Variants in OGFR observed in about 807,000 individuals in gnomAD.
OGFR encodes protein 7-60.
In OGFR, 18 loss-of-function variants were observed where a neutral mutation model predicts 33.6. The ratio of observed to expected loss-of-function variants is 0.54; its 90% confidence interval spans 0.37 to 0.80. OGFR has a LOEUF of 0.80. Ranked by LOEUF, OGFR falls within the 30% of genes least tolerant of loss-of-function variation. The probability of loss-of-function intolerance (pLI) is 0.00; values close to 1 mark genes in which losing one functional copy is unlikely to be tolerated. For synonymous variants in OGFR, 370 were observed against 400.7 expected, an observed-to-expected ratio of 0.92 and a Z score of 0.91; for missense variants, 877 against 955.8, an observed-to-expected ratio of 0.92 and a Z score of 1.09.
In OGFR at chr20:62,812,847, C is replaced by G; in HGVS notation, c.1232C>G (p.Ala411Gly). 6.2e-7 allele frequency: 1 copy of G among 1,612,766 alleles called. No individual in the cohort carries two copies. The highest frequency in any genetic ancestry group is 1.1e-5 in the South Asian group (1 of 91,086). The change falls in exon 7 of 7, where the codon GCT becomes GGT. Residue 411 changes from alanine to glycine, a missense_variant. Ala to Gly is a moderately conservative substitution (Grantham distance 60, BLOSUM62 0). Transcript: ENST00000290291. ...PQSASEVEKI[A>G]LNLEGCALSQ... ...AGTGCCTCAGAGGTGGAGAAGATCGCTCTGAATTTGGAGGGGTGTGCCCTC... is the reference window on the plus strand; with the variant it reads ...AGTGCCTCAGAGGTGGAGAAGATCGGTCTGAATTTGGAGGGGTGTGCCCTC...
chr20:62,812,395 C>A lies in OGFR; in HGVS notation c.780C>A (p.Ala260=). The change falls in exon 7 of 7, where the codon GCC becomes GCA. Residue 260 remains alanine, a synonymous_variant. Coordinates refer to ENST00000290291, the MANE Select transcript of OGFR (RefSeq NM_007346.4). ...GTGCCCTGGACTACTTCATGTTCGC[C>A]GTGCGCTGCCGACACCAGCGCCGCC... ...RQSALDYFMF[A]VRCRHQRRQL... 6.3e-7 allele frequency: 1 copy of A among 1,580,098 alleles called. No individual in the cohort carries two copies. The highest frequency in any genetic ancestry group is 1.3e-5 in the African/African-American group (1 of 74,196).
At position 62,813,732 on chromosome 20, in the gene OGFR, C is replaced by T. The variant is rs768467224; in HGVS notation, c.*83C>T. On this transcript the variant is annotated 3_prime_UTR_variant, in exon 7 of 7. Coordinates refer to ENST00000290291, the MANE Select transcript of OGFR (RefSeq NM_007346.4). ...CTCCGGAGCTGCTGCGGGCTCCCCTCAGGCTCTGCTTCGTGACCCGTGACC... is the reference window on the plus strand; with the variant it reads ...CTCCGGAGCTGCTGCGGGCTCCCCTTAGGCTCTGCTTCGTGACCCGTGACC... The T allele has an allele frequency of 1.6e-5, 24 of 1,511,178 alleles. 1 individual carries two copies. In the South Asian group the frequency reaches 2.7e-4, roughly 17 times the overall value. 93.6% of individuals were successfully genotyped at this position (1,511,178 alleles called of 1,614,324 possible).
Position 62,811,624 on chromosome 20 carries a change from G to GCGGGGGGCC in OGFR, c.614+15_614+16insGGGGGGCCC. On this transcript the variant is annotated intron_variant, in intron 6 of 6. Coordinates refer to ENST00000290291, the MANE Select transcript of OGFR (RefSeq NM_007346.4). ...GAACCTGAACTGGTGAGGCCCGGCT[G>GCGGGGGGCC]CTCCCGCCCACCCCCACCCCGGCGC... The GCGGGGGGCC allele has an allele frequency of 1.3e-6, 2 of 1,551,478 alleles. No homozygotes were observed. Among genetic ancestry groups the GCGGGGGGCC allele is most frequent in the South Asian group, 1.2e-5 (1 of 83,880 alleles).
At position 62,812,170 on chromosome 20, in the gene OGFR, G is replaced by C. The variant is rs1368055210; in HGVS notation, c.615-60G>C. On this transcript the variant is annotated intron_variant, in intron 6 of 6. Transcript: ENST00000290291. ...CGGGTGGGAGGGCAGGCCAGGGCGG[G>C]GTGCGGCCCAGCAGGAGGGGCCCCA... is the stretch of plus-strand genomic sequence containing the variant. 7 of 1,407,852 alleles carry C rather than the reference G, an allele frequency of 5.0e-6. No individual in the cohort carries two copies. The Admixed American group carries it at 1.4e-4, about 29-fold the overall frequency. 87.2% of individuals were successfully genotyped at this position (1,407,852 alleles called of 1,614,324 possible).
At chr20:62,809,042 A>G (rs1385750234) in intron 3 of OGFR, among the ~76,000 whole-genome samples, 1 of 151,754 alleles carries the variant, frequency 6.6e-6, no homozygotes, top group Admixed American at 6.6e-5. Flanking sequence ...AAGAAATTAA[A>G]ATTTCAGTGT....
chr20:62,810,709 C>G (rs1300395574), intron 5 of OGFR, 144 bp downstream of exon 5: 9 of 669,130 alleles, frequency 1.3e-5, no homozygotes, highest in Non-Finnish European at 2.1e-5. Flanking sequence ...CCGAAAGAGC[C>G]TCCAGTATGA....
chr20:62,811,747 C>T, intron 6 of OGFR, 137 bp downstream of exon 6: 3 of 986,444 alleles, frequency 3.0e-6, no homozygotes, highest in South Asian at 1.7e-5. Flanking sequence ...CCCTGAGTCC[C>T]CTCCTTGCTG....
intron 2 of OGFR, chr20:62,807,838 C>T: frequency 1.7e-6 from 1 of 604,562 alleles, no homozygotes; most frequent in Non-Finnish European, 2.9e-6. Context: ...ACACCGTCGC[C>T]TTGCAAACAT....
rs752235680 is a variant in OGFR, at chr20:62,811,428, TGGTGCCTGAGCTCTCCAAGGG to T, written c.466-30_466-10del. ...CACTCAGGAACCGGGGCTTCAGGGA[TGGTGCCTGAGCTCTCCAAGGG>T]GGTCTTTTCCAGGTGTTTAAAAGCT... On this transcript the variant is annotated splice_polypyrimidine_tract_variant and intron_variant, in intron 5 of 6. Coordinates refer to ENST00000290291, the MANE Select transcript of OGFR (RefSeq NM_007346.4). The T allele has an allele frequency of 6.2e-7, 1 of 1,605,718 alleles. No homozygotes were observed. The highest frequency in any genetic ancestry group is 8.5e-7 in the Non-Finnish European group (1 of 1,176,878).
At position 62,813,426 on chromosome 20, in the gene OGFR, C is replaced by T. The variant is rs776216955; in HGVS notation, c.1811C>T (p.Pro604Leu). ...PAESPSETPG[P>L]RPAGPAGDEP... The stretch of plus-strand genomic sequence containing the variant: ...GAGAGCCCATCGGAGACCCCAGGCC[C>T]CCGCCCGGCAGGACCTGCAGGGGAC... Residue 604 changes from proline (P) to leucine (L), a missense_variant, in exon 7 of 7, where the codon CCC (proline) becomes CTC (leucine). Around this residue, in one of 3 missense-constraint regions of OGFR, gnomAD observed 72 missense variants for 181.8 expected, o/e 0.40. Transcript: ENST00000290291. 1.3e-6 allele frequency: 2 copies of T among 1,524,404 alleles called. No individual in the cohort carries two copies. The highest frequency in any genetic ancestry group is 1.7e-6 in the Non-Finnish European group (2 of 1,149,952). 94.4% of individuals were successfully genotyped at this position (1,524,404 alleles called of 1,614,324 possible). A position where few individuals can be genotyped will look rare whatever the true frequency, so the allele number is the denominator to read the frequency against.
chr20:62,813,726 T>G lies in OGFR; in HGVS notation c.*77T>G. On this transcript the variant is annotated 3_prime_UTR_variant, in exon 7 of 7. Coordinates refer to ENST00000290291, the MANE Select transcript of OGFR (RefSeq NM_007346.4). The stretch of plus-strand genomic sequence containing the variant: ...TGGGGCCTCCGGAGCTGCTGCGGGC[T>G]CCCCTCAGGCTCTGCTTCGTGACCC... 1 of 1,533,994 alleles carries G rather than the reference T, an allele frequency of 6.5e-7. No homozygotes were observed. Among genetic ancestry groups the G allele is most frequent in the Non-Finnish European group, 9.0e-7 (1 of 1,112,124 alleles).
At chr20:62,810,697 G>A in intron 5 of OGFR, 132 bp downstream of exon 5, 3 of 719,320 alleles carry the variant, frequency 4.2e-6, no homozygotes, top group Middle Eastern at 3.8e-4. Flanking sequence ...AAGGCAGAAG[G>A]GCCGAAAGAG....
intron 6 of OGFR, 62 bp from the exon 7 acceptor site, chr20:62,812,168 G>A (rs980306689): frequency 7.9e-6 from 11 of 1,394,450 alleles, no homozygotes; most frequent in African/African-American, 5.9e-5. Flanking sequence ...AGGCCAGGGC[G>A]GGGTGCGGCC....
chr20:62,813,592 G>A lies in OGFR; in HGVS notation c.1977G>A (p.Glu659=), dbSNP rs141706777. The change falls in exon 7 of 7, where the codon GAG becomes GAA. Residue 659 remains glutamate, a synonymous_variant. Transcript: ENST00000290291. ...PTRDEPAKAG[E]AAELQDAEVE... ...GGGATGAGCCAGCCAAGGCGGGGGAGGCAGCAGAGTTGCAGGACGCAGAGG... is the reference window on the plus strand; with the variant it reads ...GGGATGAGCCAGCCAAGGCGGGGGAAGCAGCAGAGTTGCAGGACGCAGAGG... 8.1e-6 allele frequency: 13 copies of A among 1,612,918 alleles called. No homozygotes were observed. Among genetic ancestry groups the A allele is most frequent in the African/African-American group, 1.3e-5 (1 of 75,044 alleles).
At chr20:62,806,624 G>C (rs1187735504) in intron 1 of OGFR, 1 of 152,252 alleles carries the variant, frequency 6.6e-6, no homozygotes, top group South Asian at 2.1e-4. Flanking sequence ...CCCAGCTGGA[G>C]CTCAGCGGGG....
Position 62,812,817 on chromosome 20 carries a change from C to T in OGFR, c.1202C>T (p.Pro401Leu). ...RREQPPTEPG[P>L]QSASEVEKIA... ...GAGCAGCCGCCCACAGAGCCAGGCC[C>T]TCAGAGTGCCTCAGAGGTGGAGAAG... Residue 401 changes from proline to leucine, a missense_variant, in exon 7 of 7, where the codon CCT becomes CTT. Pro to Leu is a moderately conservative substitution (Grantham distance 98, BLOSUM62 -3). This residue lies in a region of OGFR where 760 missense variants were observed against 736.0 expected (regional missense o/e 1.03). Coordinates refer to ENST00000290291, the MANE Select transcript of OGFR (RefSeq NM_007346.4). 3.7e-6 allele frequency: 6 copies of T among 1,612,696 alleles called. No homozygotes were observed. Among genetic ancestry groups the T allele is most frequent in the Non-Finnish European group, 5.1e-6 (6 of 1,179,882 alleles).
chr20:62,808,125 G>T, intron 2 of OGFR, 122 bp from the exon 3 acceptor site: 1 of 800,546 alleles, frequency 1.2e-6, no homozygotes. Flanking sequence ...GGAGCCAGGC[G>T]GGCTCTTGGG....
At chr20:62,810,356 TC>T (rs1600775201) in intron 4 of OGFR, 142 bp from the exon 5 acceptor site, 5 of 721,574 alleles carry the variant, frequency 6.9e-6, no homozygotes, top group Non-Finnish European at 1.2e-5. Context: ...CCACCCTCGC[TC>T]CTCCACCTAG....
chr20:62,809,701 G>A (rs1251545109), intron 4 of OGFR, 38 bp downstream of exon 4: 2 of 1,418,962 alleles, frequency 1.4e-6, no homozygotes, highest in East Asian at 2.3e-5. Flanking sequence ...GGGTTGGCGA[G>A]GCCACAGGGG....
Sources: gnomAD v4.1 joint callset for allele counts (sites outside exome capture counted in the v4.1 genomes callset) on GRCh38, gnomAD v4.1.1 for gene constraint, gnomAD v4.1.1 regional missense constraint, MANE v1.5 for transcripts, NCBI Gene and HGNC (gene_info 2026-07-23, HGNC 2026-07-21) for gene names.